The following ENTPD5 variants were observed in gnomAD, a reference collection of about 807,000 sequenced individuals.
ENTPD5 encodes the protein ectonucleoside triphosphate diphosphohydrolase 5 (inactive).
Under a neutral mutation model 60.2 loss-of-function variants are expected in ENTPD5, and 49 were observed. The observed-to-expected ratio is 0.81, with a 90% CI of 0.65 to 1.03. The LOEUF (loss-of-function observed/expected upper bound fraction) is 1.03. Among genes scored for constraint, ENTPD5 ranks in the 50% least tolerant of loss-of-function variants. The pLI, the probability that ENTPD5 is intolerant of heterozygous loss-of-function variation, is 0.00. For missense variants in ENTPD5, 480 were observed against 507.6 expected (o/e 0.95, Z 0.52); for synonymous variants, 187 against 185.4 (o/e 1.01, Z -0.07).
chr14:73,965,056 G>A lies in ENTPD5; in HGVS notation c.*1872C>T, dbSNP rs577547157. 64 of 152,198 alleles carry A rather than the reference G, an allele frequency of 4.2e-4. No individual in the cohort carries two copies. Among genetic ancestry groups the A allele is most frequent in the African/African-American group, 1.5e-3 (61 of 41,520 alleles). 9.4% of individuals were successfully genotyped at this position (152,198 alleles called of 1,614,324 possible). A position where few individuals can be genotyped will look rare whatever the true frequency, so the allele number is the denominator to read the frequency against. On this transcript the variant is annotated 3_prime_UTR_variant, in exon 16 of 16. Coordinates refer to ENST00000334696, the MANE Select transcript of ENTPD5 (RefSeq NM_001249.5). ...TTTTGAGGAAGGCAGTTGGTATAAA[G>A]GTGACCTTAGTAATAAAAGTCAGTG...
chr14:74,013,952 T>A (rs1280389158), intron 2 of ENTPD5, among the ~76,000 whole-genome samples: 8 of 152,174 alleles, frequency 5.3e-5, no homozygotes. Context: ...CTTGTTATGT[T>A]GTCCAGGCCG....
intron 3 of ENTPD5, among the ~76,000 whole-genome samples, chr14:74,007,261 C>T (rs1048174497): frequency 4.6e-5 from 7 of 152,262 alleles, no homozygotes; most frequent in East Asian, 3.9e-4. Context: ...GTGGCTCACG[C>T]CTGTAATCCC....
intron 8 of ENTPD5, among the ~76,000 whole-genome samples, chr14:73,976,623 G>A (rs1475791254): frequency 5.7e-5 from 8 of 140,936 alleles, no homozygotes; most frequent in African/African-American, 2.1e-4. Flanking sequence ...AGGCCTTTTT[G>A]GAGACAGAGT....
chr14:74,015,979 C>T (rs1025826238), intron 1 of ENTPD5, 49 bp from the exon 2 acceptor site: 41 of 152,154 alleles, frequency 2.7e-4, no homozygotes, highest in African/African-American at 8.2e-4. Flanking sequence ...CATGAAGTGG[C>T]TTATTCCAAG....
chr14:73,985,717 T>C (rs900920881), intron 5 of ENTPD5, among the ~76,000 whole-genome samples: 1 of 152,156 alleles, frequency 6.6e-6, no homozygotes, highest in Non-Finnish European at 1.5e-5. Context: ...TGGTAGTTTC[T>C]TTTGAACAGC....
chr14:73,995,351 A>G (rs895559578), intron 3 of ENTPD5, among the ~76,000 whole-genome samples: 1 of 152,008 alleles, frequency 6.6e-6, no homozygotes, highest in Non-Finnish European at 1.5e-5. Context: ...GCTGGCCCGT[A>G]AGCAGGAATT....
At position 73,982,826 on chromosome 14, in the gene ENTPD5, A is replaced by G. The variant is rs146520613; in HGVS notation, c.441+192T>C. ...GAAAGTACTTTAAATTTTTTAGGAA[A>G]AGCTCTATACATTTAAGAGTGATAG... On this transcript the variant is annotated intron_variant, in intron 6 of 15. Coordinates refer to ENST00000334696, the MANE Select transcript of ENTPD5 (RefSeq NM_001249.5). Among the ~76,000 whole-genome samples the G allele has an allele frequency of 6.5e-3, 996 of 152,288 alleles. 9 individuals carry two copies. The highest frequency in any genetic ancestry group is 0.023 in the African/African-American group (959 of 41,574).
chr14:73,955,629 C>T (rs752809826), downstream of ENTPD5: 8 of 1,348,922 alleles, frequency 5.9e-6, no homozygotes, highest in East Asian at 2.3e-5. Flanking sequence ...ACATTCAGTC[C>T]GAGGAAGTGG....
At chr14:73,971,436 C>T (rs2057221441) in intron 14 of ENTPD5, among the ~76,000 whole-genome samples, 2 of 152,190 alleles carry the variant, frequency 1.3e-5, no homozygotes, top group Non-Finnish European at 2.9e-5. Flanking sequence ...GGATTACAGG[C>T]GTGAGCCACC....
intron 15 of ENTPD5, among the ~76,000 whole-genome samples, chr14:73,968,096 C>G (rs1010588066): frequency 6.6e-6 from 1 of 152,008 alleles, no homozygotes; most frequent in Admixed American, 6.6e-5. Flanking sequence ...TGCACTCCAG[C>G]CTGGGCAACA....
rs571421001 is a variant in ENTPD5 at position 73,997,450 on chromosome 14, T to C, written c.-70-9278A>G. 1.6e-4 allele frequency among the ~76,000 whole-genome samples: 25 copies of C among 152,122 alleles called. 1 individual carries two copies. The South Asian group carries it at 5.2e-3, about 32-fold the overall frequency. The stretch of plus-strand genomic sequence containing the variant: ...ACCAAAAGGTCCAAAAAGAGTGAAA[T>C]GTAAAAGCTCCCACTGACAATTCAT... On this transcript the variant is annotated intron_variant, in intron 3 of 15. Coordinates refer to ENST00000334696, the MANE Select transcript of ENTPD5 (RefSeq NM_001249.5).
In ENTPD5 at chr14:73,971,892, A is replaced by AC. The variant is rs1566712373; in HGVS notation, c.1043dup (p.Ile349TyrfsTer5). 3 of 1,598,812 alleles carry AC rather than the reference A, an allele frequency of 1.9e-6. No homozygotes were observed. The highest frequency in any genetic ancestry group is 1.3e-5 in the African/African-American group (1 of 74,564). On this transcript the variant is annotated frameshift_variant, in exon 14 of 16. Transcript: ENST00000334696. LOFTEE classifies it high-confidence loss of function. The stretch of plus-strand genomic sequence containing the variant: ...TTTCAAAATCTTCAACTTTTAAAAT[A>AC]CCCCCCTTTTCATAATCTGAAATAA...
intron 15 of ENTPD5, among the ~76,000 whole-genome samples, chr14:73,968,979 T>C (rs2057105109): frequency 6.6e-6 from 1 of 152,226 alleles, no homozygotes; most frequent in Admixed American, 6.5e-5. Flanking sequence ...ACATGAAATA[T>C]ATATGACACA....
At chr14:73,968,335 G>A (rs541036797) in intron 15 of ENTPD5, among the ~76,000 whole-genome samples, 1 of 152,122 alleles carries the variant, frequency 6.6e-6, no homozygotes, top group South Asian at 2.1e-4. Flanking sequence ...GAAGGAAAAA[G>A]GGAGGCCAAA....
chr14:73,988,316 TC>T lies in ENTPD5; in HGVS notation c.-70-145del, dbSNP rs2057989710. On this transcript the variant is annotated intron_variant, in intron 3 of 15. Coordinates refer to ENST00000334696, the MANE Select transcript of ENTPD5 (RefSeq NM_001249.5). ...CAAGCTAAACCAGGGTGATGTGGGCTCTTAGCACCTTTTCCGAAGGGTATCT... is the reference window on the plus strand; with the variant it reads ...CAAGCTAAACCAGGGTGATGTGGGCTTTAGCACCTTTTCCGAAGGGTATCT... 7 of 653,262 alleles carry T rather than the reference TC, an allele frequency of 1.1e-5. No individual in the cohort carries two copies. The South Asian group carries it at 2.1e-4, about 20-fold the overall frequency. The allele number at this position is 653,262 out of a possible 1,614,324, so 40.5% of individuals were successfully genotyped here.
chr14:74,001,904 G>C (rs2058524416), intron 3 of ENTPD5, among the ~76,000 whole-genome samples: 1 of 151,962 alleles, frequency 6.6e-6, no homozygotes, highest in Non-Finnish European at 1.5e-5. Flanking sequence ...ATATGAATTT[G>C]AGAAACAAAA....
At chr14:73,960,456 C>T (rs2056664295), downstream of ENTPD5, 2 of 990,624 alleles carry the variant, frequency 2.0e-6, no homozygotes, top group South Asian at 4.6e-5. Flanking sequence ...AAAGACTCCA[C>T]TGCTCTGTAG....
chr14:73,983,171 A>G lies in ENTPD5; in HGVS notation c.298-10T>C. 6.2e-7 allele frequency: 1 copy of G among 1,605,326 alleles called. No homozygotes were observed. ...GAACGGTCTCAGCACCCTTCAAAAGAGATAACCCGTTCATCTGATGAACGA... is the reference window on the plus strand; with the variant it reads ...GAACGGTCTCAGCACCCTTCAAAAGGGATAACCCGTTCATCTGATGAACGA... On this transcript the variant is annotated splice_polypyrimidine_tract_variant and intron_variant, in intron 5 of 15. Coordinates refer to ENST00000334696, the MANE Select transcript of ENTPD5 (RefSeq NM_001249.5).
chr14:73,968,804 G>T (rs767716262), intron 15 of ENTPD5, among the ~76,000 whole-genome samples: 7 of 152,146 alleles, frequency 4.6e-5, no homozygotes, highest in Non-Finnish European at 5.9e-5. Flanking sequence ...CCAGTTGATT[G>T]TTCTGTGTTG....
Sources: gnomAD v4.1 joint callset for allele counts (sites outside exome capture counted in the v4.1 genomes callset) on GRCh38, gnomAD v4.1.1 for gene constraint, MANE v1.5 for transcripts, NCBI Gene and HGNC (gene_info 2026-07-23, HGNC 2026-07-21) for gene names.